SEMA3A: variants seen among roughly 807,000 people sequenced by gnomAD.
SEMA3A encodes the protein semaphorin 3A.
Under a neutral mutation model 97.9 loss-of-function variants are expected in SEMA3A, and 29 were observed. The ratio of observed to expected loss-of-function variants is 0.30; its 90% CI spans 0.22 to 0.40. SEMA3A has a LOEUF of 0.40. SEMA3A is among the 10% of genes least tolerant of loss of function. The probability of loss-of-function intolerance (pLI) is 1.00; values close to 1 mark genes in which losing one functional copy is unlikely to be tolerated. For synonymous variants in SEMA3A, 321 were observed against 323.7 expected, an observed-to-expected ratio of 0.99 and a Z score of 0.09; for missense variants, 763 against 951.3, an observed-to-expected ratio of 0.80 and a Z score of 2.60.
chr7:84,250,524 T>A (rs1799582995), intron 3 of SEMA3A, among the ~76,000 whole-genome samples: 1 of 152,164 alleles, frequency 6.6e-6, no homozygotes, highest in African/African-American at 2.4e-5. Flanking sequence ...GCAGTTTCTC[T>A]GTCTACATCT....
intron 5 of SEMA3A, among the ~76,000 whole-genome samples, chr7:84,049,929 TG>T (rs1039993255): frequency 2.8e-5 from 4 of 145,128 alleles, no homozygotes; most frequent in African/African-American, 1.0e-4. Flanking sequence ...GTGATCTCAT[TG>T]TTCAATTCCC....
At chr7:84,009,920 A>C (rs1395369152) in intron 9 of SEMA3A, among the ~76,000 whole-genome samples, 3 of 151,446 alleles carry the variant, frequency 2.0e-5, no homozygotes, top group Non-Finnish European at 4.4e-5. Flanking sequence ...AAAAAAAAAA[A>C]AAAAAAAACC....
chr7:84,469,205 T>C (rs995222510), intron 1 of SEMA3A, among the ~76,000 whole-genome samples: 5 of 152,210 alleles, frequency 3.3e-5, no homozygotes, highest in African/African-American at 1.2e-4. Context: ...CTAAATGATG[T>C]AATATTACTT....
intron 9 of SEMA3A, 24 bp downstream of exon 9, chr7:84,010,998 T>C (rs1199953461): frequency 2.0e-6 from 3 of 1,533,430 alleles, no homozygotes; most frequent in African/African-American, 2.8e-5. Context: ...TAAGTTTCTA[T>C]AAGGTAGTTA....
chr7:84,055,578 G>T (rs10954745), intron 5 of SEMA3A, among the ~76,000 whole-genome samples: 15 of 151,066 alleles, frequency 9.9e-5, no homozygotes, highest in Admixed American at 1.3e-4. Context: ...CACGGTGCGC[G>T]CACCCACTGA....
chr7:84,433,235 C>G (rs956218539), intron 1 of SEMA3A, among the ~76,000 whole-genome samples: 1 of 149,314 alleles, frequency 6.7e-6, no homozygotes, highest in South Asian at 2.1e-4. Flanking sequence ...TAGCCTCCCA[C>G]CCCCCGACAG....
At chr7:84,393,451 A>C (rs1310660429) in intron 1 of SEMA3A, among the ~76,000 whole-genome samples, 1 of 152,178 alleles carries the variant, frequency 6.6e-6, no homozygotes, top group African/African-American at 2.4e-5. Flanking sequence ...ACTATAGTGA[A>C]AAGCAATAGT....
intron 1 of SEMA3A, among the ~76,000 whole-genome samples, chr7:84,482,826 T>C (rs1806480185): frequency 6.6e-6 from 1 of 152,000 alleles, no homozygotes; most frequent in South Asian, 2.1e-4. Context: ...TGAAACCTTA[T>C]TTATTTCAAA....
chr7:84,097,423 G>A (rs1794808596), intron 4 of SEMA3A, among the ~76,000 whole-genome samples: 1 of 152,146 alleles, frequency 6.6e-6, no homozygotes, highest in Admixed American at 6.6e-5. Flanking sequence ...AAAAATACAG[G>A]GGTATAAAAA....
At chr7:84,321,839 G>T (rs1801652943) in intron 2 of SEMA3A, among the ~76,000 whole-genome samples, 1 of 121,248 alleles carries the variant, frequency 8.2e-6, no homozygotes, top group Admixed American at 1.1e-4. Context: ...TAGTGCCACT[G>T]CACTCCAGCC....
At chr7:84,376,964 C>G (rs1304473843) in intron 1 of SEMA3A, among the ~76,000 whole-genome samples, 2 of 152,036 alleles carry the variant, frequency 1.3e-5, no homozygotes, top group African/African-American at 4.8e-5. Flanking sequence ...TTCATTTATT[C>G]TTTACGCTGT....
At chr7:84,037,970 C>T (rs1285053180) in intron 6 of SEMA3A, among the ~76,000 whole-genome samples, 1 of 152,016 alleles carries the variant, frequency 6.6e-6, no homozygotes, top group Non-Finnish European at 1.5e-5. Context: ...TACACATCTT[C>T]TTTACCAGTA....
intron 1 of SEMA3A, among the ~76,000 whole-genome samples, chr7:84,405,208 A>C (rs1170111278): frequency 1.3e-5 from 2 of 152,200 alleles, no homozygotes; most frequent in Non-Finnish European, 1.5e-5. Context: ...AGATCTACCA[A>C]GGAAATGGAA....
At chr7:84,169,882 A>C (rs1319774909) in intron 1 of SEMA3A, among the ~76,000 whole-genome samples, 1 of 151,912 alleles carries the variant, frequency 6.6e-6, no homozygotes, top group Non-Finnish European at 1.5e-5. Flanking sequence ...GTTGTTTAGC[A>C]GAAAGGATAT....
intron 1 of SEMA3A, among the ~76,000 whole-genome samples, chr7:84,163,109 A>G (rs1797091930): frequency 6.6e-6 from 1 of 152,192 alleles, no homozygotes; most frequent in Non-Finnish European, 1.5e-5. Context: ...AAAGTAAGCT[A>G]TTAGTGGTAA....
chr7:84,407,741 A>T (rs1804139463), intron 1 of SEMA3A, among the ~76,000 whole-genome samples: 1 of 152,208 alleles, frequency 6.6e-6, no homozygotes, highest in African/African-American at 2.4e-5. Context: ...ATAATGCCAC[A>T]TATCTACAAC....
intron 15 of SEMA3A, among the ~76,000 whole-genome samples, chr7:83,965,053 T>C (rs978830447): frequency 6.6e-6 from 1 of 152,078 alleles, no homozygotes; most frequent in African/African-American, 2.4e-5. Flanking sequence ...GCTATTTACA[T>C]TGAATACTTT....
At chr7:83,994,135 T>C (rs373995297) in intron 12 of SEMA3A, among the ~76,000 whole-genome samples, 6 of 149,070 alleles carry the variant, frequency 4.0e-5, no homozygotes, top group African/African-American at 1.2e-4. Context: ...GCATTCTTCA[T>C]GTAGTTCTCG....
At chr7:84,342,340 G>A (rs993238057) in intron 2 of SEMA3A, among the ~76,000 whole-genome samples, 1 of 151,834 alleles carries the variant, frequency 6.6e-6, no homozygotes, top group East Asian at 1.9e-4. Context: ...TGCCACTATA[G>A]AATTTTTTTA....
Sources: allele counts gnomAD v4.1 joint callset (sites outside exome capture counted in the v4.1 genomes callset), GRCh38; gene constraint gnomAD v4.1.1; transcripts MANE v1.5; gene names NCBI Gene and HGNC (gene_info 2026-07-23, HGNC 2026-07-21).